CARM1: variants seen among roughly 807,000 people sequenced by gnomAD.
CARM1 encodes coactivator associated arginine methyltransferase 1.
A neutral mutation model predicts 72.7 loss-of-function variants in CARM1; 14 were observed. The ratio of observed to expected loss-of-function variants is 0.19; its 90% CI spans 0.13 to 0.30. The LOEUF (loss-of-function observed/expected upper bound fraction) is 0.30, where lower values mean the gene tolerates loss of function less well. CARM1 is among the 10% of genes least tolerant of loss of function. The pLI is 1.00. For missense variants in CARM1, 432 were observed against 833.7 expected (o/e 0.52, Z 5.93); for synonymous variants, 333 against 345.5 (o/e 0.96, Z 0.40).
At position 10,921,869 on chromosome 19, in the gene CARM1, GCT is replaced by G; in HGVS notation, c.*117_*118del. 1 of 1,064,924 alleles carries G rather than the reference GCT, an allele frequency of 9.4e-7. No individual in the cohort carries two copies. The highest frequency in any genetic ancestry group is 1.3e-6 in the Non-Finnish European group (1 of 741,244). The allele number at this position is 1,064,924 out of a possible 1,614,324, so 66.0% of individuals were successfully genotyped here. ...GGAGAAGCTCGAACACCCGGTCACA[GCT>G]CTCTTTGCTATGGGAACTGGGACAC... On this transcript the variant is annotated 3_prime_UTR_variant, in exon 16 of 16. Transcript: ENST00000327064.
chr19:10,913,570 G>C (rs905612348), intron 5 of CARM1, among the ~76,000 whole-genome samples: 3 of 151,256 alleles, frequency 2.0e-5, no homozygotes, highest in Non-Finnish European at 4.4e-5. Context: ...TTTTTTTTTG[G>C]TATTTTTAGT....
intron 1 of CARM1, among the ~76,000 whole-genome samples, chr19:10,882,087 G>A (rs1050393741): frequency 4.6e-5 from 7 of 152,156 alleles, no homozygotes; most frequent in African/African-American, 7.2e-5. Flanking sequence ...TTAGCATCCC[G>A]GTGACCACTT....
chr19:10,881,523 C>G (rs1257249446), intron 1 of CARM1, among the ~76,000 whole-genome samples: 1 of 151,842 alleles, frequency 6.6e-6, no homozygotes, highest in Admixed American at 6.6e-5. Flanking sequence ...GGTCAGATGC[C>G]GTGAGAGGTC....
At position 10,912,390 on chromosome 19, in the gene CARM1, G is replaced by C; in HGVS notation, c.669+96G>C. 1.2e-6 allele frequency: 1 copy of C among 853,722 alleles called. No individual in the cohort carries two copies. The highest frequency in any genetic ancestry group is 2.0e-6 in the Non-Finnish European group (1 of 506,052). The allele number at this position is 853,722 out of a possible 1,614,324, so 52.9% of individuals were successfully genotyped here. A position where few individuals can be genotyped will look rare whatever the true frequency, so the allele number is the denominator to read the frequency against. On this transcript the variant is annotated intron_variant, in intron 5 of 15. Transcript: ENST00000327064. The surrounding 1 kb of genome is among the most constrained non-coding windows in gnomAD (Gnocchi z 4.5). Reference sequence around the variant, plus strand: ...AAGCTTGGGAACCCCCAGGGGCCTGGGGACATTACTTCTGTGCTTTGGTCT... The same window carrying C: ...AAGCTTGGGAACCCCCAGGGGCCTGCGGACATTACTTCTGTGCTTTGGTCT...
At chr19:10,918,689 C>T (rs974866305) in intron 8 of CARM1, among the ~76,000 whole-genome samples, 1 of 152,120 alleles carries the variant, frequency 6.6e-6, no homozygotes, top group Non-Finnish European at 1.5e-5. Flanking sequence ...CCCTTGAATC[C>T]GAGCTGCCTT....
intron 6 of CARM1, among the ~76,000 whole-genome samples, chr19:10,914,906 AC>A (rs1425651066): frequency 6.6e-6 from 1 of 152,090 alleles, no homozygotes; most frequent in East Asian, 1.9e-4. Context: ...TGCAGCCCTG[AC>A]GCCTGAGGCA....
chr19:10,907,359 G>C (rs2074113396), intron 2 of CARM1, among the ~76,000 whole-genome samples: 3 of 152,002 alleles, frequency 2.0e-5, no homozygotes, highest in Admixed American at 2.0e-4. Flanking sequence ...CTGCTTTAAA[G>C]GGCCACATAC....
chr19:10,909,292 T>G (rs1338848225), intron 4 of CARM1, 85 bp downstream of exon 4: 35 of 868,686 alleles, frequency 4.0e-5, no homozygotes, highest in Middle Eastern at 4.4e-4. Context: ...TTTAATTTTC[T>G]CAGATTAGAA....
In CARM1 at chr19:10,920,328, G is replaced by T. The variant is rs2074231818; in HGVS notation, c.1197-108G>T. The T allele has an allele frequency of 7.5e-6, 10 of 1,327,826 alleles. No individual in the cohort carries two copies. The highest frequency in any genetic ancestry group is 9.3e-6 in the Non-Finnish European group (9 of 972,702). The allele number at this position is 1,327,826 out of a possible 1,614,324, so 82.3% of individuals were successfully genotyped here. On this transcript the variant is annotated intron_variant, in intron 10 of 15. Transcript: ENST00000327064. This position sits in a 1 kb window ranked among gnomAD's most constrained non-coding sequence, Gnocchi z 5.3. ...CTGTCTCTGCTCCAGGGTCCCAGGG[G>T]TCCCTGGCAGAGGGGGCAGGTGCTT...
intron 1 of CARM1, among the ~76,000 whole-genome samples, chr19:10,873,624 G>GTTTTTTTTTTTTTTTTTTTTTT: frequency 2.1e-5 from 1 of 47,342 alleles, no homozygotes; most frequent in Non-Finnish European, 3.6e-5. Context: ...TTTTAGTTTA[G>GTTTTTTTTTTTTTTTTTTTTTT]TTTTTTTTTT....
intron 1 of CARM1, among the ~76,000 whole-genome samples, chr19:10,886,200 G>A (rs907549161): frequency 6.6e-6 from 1 of 151,984 alleles, no homozygotes; most frequent in South Asian, 2.1e-4. Context: ...GGGATTACGG[G>A]CATGCGCCAC....
intron 2 of CARM1, among the ~76,000 whole-genome samples, chr19:10,906,025 T>G (rs893624196): frequency 1.4e-5 from 2 of 140,886 alleles, no homozygotes; most frequent in African/African-American, 5.3e-5. Context: ...CTTAGCTCAC[T>G]GCAACCTCCA....
Position 10,916,036 on chromosome 19 carries a change from C to T in CARM1, c.848-371C>T, listed in dbSNP as rs1248520730. On this transcript the variant is annotated intron_variant, in intron 6 of 15. Transcript: ENST00000327064. This position sits in a 1 kb window ranked among gnomAD's most constrained non-coding sequence, Gnocchi z 4.4. ...CCAGAGCAACTTTGCTATGCTTTCC[C>T]GGCTGCACACATGCACAGACGGCAG... is the stretch of plus-strand genomic sequence containing the variant. 1.3e-5 allele frequency among the ~76,000 whole-genome samples: 2 copies of T among 152,236 alleles called. No individual in the cohort carries two copies. Among genetic ancestry groups the T allele is most frequent in the East Asian group, 1.9e-4 (1 of 5,206 alleles).
In CARM1 at chr19:10,892,176, A is replaced by G. The variant is rs189524519; in HGVS notation, c.221-12775A>G. On this transcript the variant is annotated intron_variant, in intron 1 of 15. Transcript: ENST00000327064. ...CATTTATTCATTCTTTGATTAATTGATGGATATTTAGGTTTTCTGCTTTGG... is the reference window on the plus strand; with the variant it reads ...CATTTATTCATTCTTTGATTAATTGGTGGATATTTAGGTTTTCTGCTTTGG... 5.0e-3 allele frequency among the ~76,000 whole-genome samples: 754 copies of G among 152,318 alleles called. 5 individuals are homozygous for G. The highest frequency in any genetic ancestry group is 4.3e-3 in the Non-Finnish European group (294 of 68,038).
chr19:10,904,929 G>T (rs745662301), intron 1 of CARM1, 22 bp from the exon 2 acceptor site: 1 of 1,613,208 alleles, frequency 6.2e-7, no homozygotes, highest in Non-Finnish European at 8.5e-7. Flanking sequence ...CACCGCTCAC[G>T]CCAGCCTGTC....
At chr19:10,887,861 T>C (rs1230055194) in intron 1 of CARM1, among the ~76,000 whole-genome samples, 2 of 152,012 alleles carry the variant, frequency 1.3e-5, no homozygotes, top group Non-Finnish European at 1.5e-5. Context: ...CTCCAGCCTC[T>C]CTGGAGCGCC....
Position 10,920,956 on chromosome 19 carries a change from GCCCACCC to G in CARM1, c.1537+12_1537+18del, listed in dbSNP as rs1568357964. Reference sequence around the variant, plus strand: ...GGGATGGCCGTGGCAGGTGAGCAGGGCCCACCCCAATGCCCAGCCAACCCGGGAGGCC... The same window carrying G: ...GGGATGGCCGTGGCAGGTGAGCAGGGCAATGCCCAGCCAACCCGGGAGGCC... On this transcript the variant is annotated intron_variant, in intron 13 of 15. Coordinates refer to ENST00000327064, the MANE Select transcript of CARM1 (RefSeq NM_199141.2). This position sits in a 1 kb window ranked among gnomAD's most constrained non-coding sequence, Gnocchi z 5.3. The G allele has an allele frequency of 6.2e-7, 1 of 1,613,880 alleles. No homozygotes were observed. The highest frequency in any genetic ancestry group is 8.5e-7 in the Non-Finnish European group (1 of 1,179,750).
chr19:10,921,275 C>A, intron 14 of CARM1, 100 bp from the exon 15 acceptor site: 2 of 1,486,758 alleles, frequency 1.3e-6, no homozygotes, highest in Non-Finnish European at 1.9e-6. Context: ...GGCTCTCCGT[C>A]CTCTCTGCCT....
At chr19:10,897,373 G>A (rs551305991) in intron 1 of CARM1, among the ~76,000 whole-genome samples, 1 of 152,322 alleles carries the variant, frequency 6.6e-6, no homozygotes, top group Admixed American at 6.5e-5. Flanking sequence ...TCTGCAGGGT[G>A]TGGGCAGGCC....
Sources: allele counts gnomAD v4.1 joint callset (sites outside exome capture counted in the v4.1 genomes callset), GRCh38; gene constraint gnomAD v4.1.1; non-coding constraint Gnocchi (gnomAD v3.1); transcripts MANE v1.5; gene names NCBI Gene and HGNC (gene_info 2026-07-23, HGNC 2026-07-21).